AGBL4: variants seen among roughly 807,000 people sequenced by gnomAD.
The protein encoded by AGBL4 is AGBL carboxypeptidase 4.
A neutral mutation model predicts 66.4 loss-of-function variants in AGBL4; 58 were observed. The ratio of observed to expected loss-of-function variants is 0.87; its 90% confidence interval spans 0.71 to 1.09. The LOEUF (loss-of-function observed/expected upper bound fraction) is 1.09. Ranked by LOEUF, AGBL4 falls within the 50% of genes least tolerant of loss-of-function variation. AGBL4 has a pLI of 0.00. For missense variants in AGBL4, 579 were observed against 631.0 expected (o/e 0.92, Z 0.88); for synonymous variants, 234 against 222.9 (o/e 1.05, Z -0.44).
intron 2 of AGBL4, among the ~76,000 whole-genome samples, chr1:49,720,474 G>C (rs1184969415): frequency 2.0e-5 from 3 of 152,122 alleles, no homozygotes; most frequent in African/African-American, 7.2e-5. Context: ...AATGTTCATT[G>C]AGCACTTGCT....
rs544791821 is a variant in AGBL4 at position 49,165,613 on chromosome 1, G to A, written c.377+80157C>T. ...AATGTGATAAGAAATGAGAAAAATG[G>A]TACAGAAGAACAGACAAGAAAGGGA... is the stretch of plus-strand genomic sequence containing the variant. On this transcript the variant is annotated intron_variant, in intron 4 of 13. Coordinates refer to ENST00000371839, the MANE Select transcript of AGBL4 (RefSeq NM_032785.4). Among the ~76,000 whole-genome samples, 25 of 151,776 alleles carry A rather than the reference G, an allele frequency of 1.6e-4. No homozygotes were observed. In the South Asian group the frequency reaches 3.5e-3, roughly 22 times the overall value.
At chr1:49,768,078 C>T (rs58020242) in intron 2 of AGBL4, among the ~76,000 whole-genome samples, 1 of 151,852 alleles carries the variant, frequency 6.6e-6, no homozygotes, top group Non-Finnish European at 1.5e-5. Context: ...GATTCACAGC[C>T]GAATTTTACC....
At chr1:49,947,511 C>T (rs923670971) in intron 1 of AGBL4, among the ~76,000 whole-genome samples, 21 of 151,726 alleles carry the variant, frequency 1.4e-4, no homozygotes, top group East Asian at 3.9e-4. Context: ...GATTAAAACT[C>T]GCAGCAAAAT....
At chr1:49,888,366 C>A (rs775651888) in intron 1 of AGBL4, among the ~76,000 whole-genome samples, 1 of 151,976 alleles carries the variant, frequency 6.6e-6, no homozygotes, top group Non-Finnish European at 1.5e-5. Flanking sequence ...GAACTTTGGT[C>A]CATTTCAGGT....
intron 7 of AGBL4, among the ~76,000 whole-genome samples, chr1:48,654,071 A>T (rs151264588): frequency 1.7e-4 from 26 of 152,196 alleles, no homozygotes; most frequent in Admixed American, 7.2e-4. Flanking sequence ...CCGGCTTCTC[A>T]CTGGCACTAA....
At chr1:49,580,431 ATTCTGT>A in intron 3 of AGBL4, among the ~76,000 whole-genome samples, 1 of 152,132 alleles carries the variant, frequency 6.6e-6, no homozygotes, top group African/African-American at 2.4e-5. Context: ...GTGTAGTGGA[ATTCTGT>A]AATGGTGCAA....
intron 9 of AGBL4, among the ~76,000 whole-genome samples, chr1:48,632,603 TG>T (rs1384341078): frequency 6.6e-6 from 1 of 152,234 alleles, no homozygotes; most frequent in Non-Finnish European, 1.5e-5. Flanking sequence ...TTGTTTGGTT[TG>T]TTTTTTACTG....
intron 3 of AGBL4, among the ~76,000 whole-genome samples, chr1:49,333,390 A>C (rs1024603092): frequency 2.6e-4 from 39 of 152,190 alleles, no homozygotes; most frequent in African/African-American, 2.4e-5. Flanking sequence ...AGGCAGGAGA[A>C]TCACTTGAAC....
intron 4 of AGBL4, among the ~76,000 whole-genome samples, chr1:49,175,585 A>G (rs188075458): frequency 2.6e-5 from 4 of 152,284 alleles, no homozygotes; most frequent in Admixed American, 6.5e-5. Flanking sequence ...TGATAAGAAC[A>G]TCGGAATACA....
At chr1:48,759,252 C>G (rs557411763) in intron 6 of AGBL4, 1 of 1,574,878 alleles carries the variant, frequency 6.3e-7, no homozygotes, top group Non-Finnish European at 8.6e-7. Context: ...TGCTCTTGTG[C>G]GCCACTTCGC....
At chr1:48,580,102 C>A (rs1176844161) in intron 11 of AGBL4, among the ~76,000 whole-genome samples, 1 of 152,164 alleles carries the variant, frequency 6.6e-6, no homozygotes, top group Non-Finnish European at 1.5e-5. Context: ...GTTTCACCAT[C>A]TTTAGCTCAC....
At chr1:49,898,162 A>G (rs528475328) in intron 1 of AGBL4, among the ~76,000 whole-genome samples, 1 of 152,264 alleles carries the variant, frequency 6.6e-6, no homozygotes, top group South Asian at 2.1e-4. Flanking sequence ...AATAATCAAC[A>G]AAGTGAAGAG....
At chr1:49,872,855 T>A (rs187749073) in intron 1 of AGBL4, among the ~76,000 whole-genome samples, 1 of 152,076 alleles carries the variant, frequency 6.6e-6, no homozygotes. Flanking sequence ...AACTATAGTA[T>A]GCCTGTTATT....
At chr1:49,860,954 G>A (rs1215621135) in intron 1 of AGBL4, among the ~76,000 whole-genome samples, 3 of 152,074 alleles carry the variant, frequency 2.0e-5, no homozygotes, top group Non-Finnish European at 4.4e-5. Context: ...CCCCAACCCA[G>A]GCAGCTACAG....
intron 4 of AGBL4, among the ~76,000 whole-genome samples, chr1:49,079,097 T>G (rs1377890534): frequency 6.6e-6 from 1 of 152,202 alleles, no homozygotes; most frequent in Admixed American, 6.5e-5. Context: ...AACTAAATCC[T>G]GTTTCTTTAG....
rs547974555 is a variant in AGBL4 at position 49,821,710 on chromosome 1, A to G, written c.157+29686T>C. Reference sequence around the variant, plus strand: ...CTAAATGTTTATATTTGTAAGCTGCATTGCTTTACTGTGATTACGAAATTG... The same window carrying G: ...CTAAATGTTTATATTTGTAAGCTGCGTTGCTTTACTGTGATTACGAAATTG... On this transcript the variant is annotated intron_variant, in intron 2 of 13. Transcript: ENST00000371839. Among the ~76,000 whole-genome samples the G allele has an allele frequency of 2.6e-4, 40 of 152,316 alleles. No individual in the cohort carries two copies. In the South Asian group the frequency reaches 5.0e-3, roughly 19 times the overall value.
intron 9 of AGBL4, among the ~76,000 whole-genome samples, chr1:48,592,563 C>T (rs1189355041): frequency 6.6e-6 from 1 of 152,206 alleles, no homozygotes; most frequent in East Asian, 1.9e-4. Flanking sequence ...AATGATTCAA[C>T]AGGAGCCCTA....
intron 1 of AGBL4, among the ~76,000 whole-genome samples, chr1:49,945,120 G>A (rs779472067): frequency 2.6e-5 from 4 of 151,930 alleles, no homozygotes; most frequent in East Asian, 1.9e-4. Context: ...GAAGAGAATC[G>A]AAAAGTTTGG....
chr1:49,935,896 G>A (rs1353366762), intron 1 of AGBL4, among the ~76,000 whole-genome samples: 1 of 152,268 alleles, frequency 6.6e-6, no homozygotes, highest in East Asian at 1.9e-4. Context: ...AAAAAACAGA[G>A]CAGAAAAACT....
Sources: gnomAD v4.1 joint callset for allele counts (sites outside exome capture counted in the v4.1 genomes callset) on GRCh38, gnomAD v4.1.1 for gene constraint, MANE v1.5 for transcripts, NCBI Gene and HGNC (gene_info 2026-07-23, HGNC 2026-07-21) for gene names.